TEC: variants seen among roughly 807,000 people sequenced by gnomAD.
TEC encodes tec protein tyrosine kinase.
A neutral mutation model predicts 93.0 loss-of-function variants in TEC; 72 were observed. The observed-to-expected ratio is 0.77, with a 90% CI of 0.64 to 0.94. The LOEUF (loss-of-function observed/expected upper bound fraction) is 0.94, where lower values mean the gene tolerates loss of function less well. TEC is among the 40% of genes least tolerant of loss of function. The pLI, the probability that TEC is intolerant of heterozygous loss-of-function variation, is 0.00. For synonymous variants in TEC, 249 were observed against 247.7 expected (o/e 1.01, Z -0.05); for missense variants, 630 against 757.9 (o/e 0.83, Z 1.98).
chr4:48,183,942 A>T (rs1175936391), intron 2 of TEC, among the ~76,000 whole-genome samples: 1 of 152,236 alleles, frequency 6.6e-6, no homozygotes, highest in Non-Finnish European at 1.5e-5. Context: ...TAAGGATTGT[A>T]GAGGCTGAGC....
At chr4:48,254,607 G>C (rs1380502119) in intron 1 of TEC, among the ~76,000 whole-genome samples, 1 of 152,346 alleles carries the variant, frequency 6.6e-6, no homozygotes, top group Non-Finnish European at 1.5e-5. Context: ...AAGAGGCAAG[G>C]CCTCCGCCTA....
chr4:48,162,679 G>A (rs1720721202), intron 8 of TEC, among the ~76,000 whole-genome samples: 2 of 152,166 alleles, frequency 1.3e-5, no homozygotes, highest in Non-Finnish European at 2.9e-5. Context: ...TGAGCGCTGT[G>A]GCTTTTTGAA....
intron 2 of TEC, among the ~76,000 whole-genome samples, chr4:48,210,223 C>A (rs368804567): frequency 6.6e-6 from 1 of 152,100 alleles, no homozygotes; most frequent in East Asian, 1.9e-4. Flanking sequence ...TAGCTTATGC[C>A]TGTAATCTTG....
intron 9 of TEC, among the ~76,000 whole-genome samples, chr4:48,152,833 A>G (rs1050470648): frequency 3.9e-5 from 6 of 152,208 alleles, no homozygotes; most frequent in African/African-American, 1.2e-4. Context: ...AACATCAACT[A>G]CAAAAACAAG....
At position 48,150,945 on chromosome 4, in the gene TEC, A is replaced by G. The variant is rs1462697033; in HGVS notation, c.793-3T>C. 1.3e-5 allele frequency: 21 copies of G among 1,574,942 alleles called. No homozygotes were observed. Among genetic ancestry groups the G allele is most frequent in the Non-Finnish European group, 1.8e-5 (21 of 1,162,672 alleles). ...ACCATAAAACCACCTTCTTTATCCTAAAATCCAAGTTCAGAAAAAATTTTT... is the reference window on the plus strand; with the variant it reads ...ACCATAAAACCACCTTCTTTATCCTGAAATCCAAGTTCAGAAAAAATTTTT... On this transcript the variant is annotated splice_region_variant and splice_polypyrimidine_tract_variant and intron_variant, in intron 9 of 17. Transcript: ENST00000381501.
At chr4:48,172,075 C>T (rs1470292445) in intron 3 of TEC, among the ~76,000 whole-genome samples, 1 of 152,226 alleles carries the variant, frequency 6.6e-6, no homozygotes, top group Admixed American at 6.5e-5. Context: ...TGCCATTTGG[C>T]TGGTAATCCA....
At position 48,265,291 on chromosome 4, in the gene TEC, CCA is replaced by C. The variant is rs1724603515; in HGVS notation, c.-46+4459_-46+4460del. On this transcript the variant is annotated intron_variant, in intron 1 of 17. Transcript: ENST00000381501. ...CAGTCATGAAAAACTTATTTTTGGC[CCA>C]GTCAAAAATAGCCAATATCTGAACA... 2.7e-5 allele frequency among the ~76,000 whole-genome samples: 4 copies of C among 150,122 alleles called. No individual in the cohort carries two copies. The South Asian group carries it at 8.4e-4, about 32-fold the overall frequency.
intron 1 of TEC, among the ~76,000 whole-genome samples, chr4:48,240,532 A>G (rs887207216): frequency 5.9e-5 from 9 of 152,156 alleles, no homozygotes; most frequent in African/African-American, 2.2e-4. Context: ...CTTCTCAGAC[A>G]TAAAGGAATA....
chr4:48,137,851 G>C (rs1440113059), intron 17 of TEC, among the ~76,000 whole-genome samples: 1 of 152,182 alleles, frequency 6.6e-6, no homozygotes, highest in African/African-American at 2.4e-5. Flanking sequence ...CACATGGGCT[G>C]TCTGTTAAAT....
chr4:48,191,310 T>C (rs936755938), intron 2 of TEC, among the ~76,000 whole-genome samples: 1 of 152,220 alleles, frequency 6.6e-6, no homozygotes, highest in Non-Finnish European at 1.5e-5. Flanking sequence ...TTTCAGCCTT[T>C]AAACTTTTTT....
chr4:48,269,091 G>C (rs1243441265), intron 1 of TEC, among the ~76,000 whole-genome samples: 1 of 151,898 alleles, frequency 6.6e-6, no homozygotes, highest in Non-Finnish European at 1.5e-5. Flanking sequence ...ACAACTTCCC[G>C]GGGCGAGGTG....
chr4:48,250,732 A>G lies in TEC; in HGVS notation c.-46+19020T>C, dbSNP rs948551172. Among the ~76,000 whole-genome samples, 3 of 152,176 alleles carry G rather than the reference A, an allele frequency of 2.0e-5. 1 individual carries two copies. Among genetic ancestry groups the G allele is most frequent in the South Asian group, 4.1e-4 (2 of 4,830 alleles). ...TAGTTGACAGCCAGCTGGCCCCTCA[A>G]ACATATCAGAGAACCCAGGCAATAT... On this transcript the variant is annotated intron_variant, in intron 1 of 17. Transcript: ENST00000381501.
chr4:48,229,050 C>G (rs1723571123), intron 1 of TEC, among the ~76,000 whole-genome samples: 1 of 152,182 alleles, frequency 6.6e-6, no homozygotes, highest in African/African-American at 2.4e-5. Context: ...GCTTCAGGAT[C>G]TTGGTTCACA....
rs768270670 is a variant in TEC, at chr4:48,156,737, G to A, written c.738-3C>T. On this transcript the variant is annotated splice_region_variant and splice_polypyrimidine_tract_variant and intron_variant, in intron 8 of 17. Transcript: ENST00000381501. ...TATTCATATTTCTGCAATACCATCT[G>A]AACAGAAAAAACAATACATTTCAGG... The A allele has an allele frequency of 6.2e-7, 1 of 1,603,666 alleles. No homozygotes were observed. The highest frequency in any genetic ancestry group is 1.1e-5 in the South Asian group (1 of 88,738).
intron 1 of TEC, among the ~76,000 whole-genome samples, chr4:48,251,281 A>G (rs1724190258): frequency 6.6e-6 from 1 of 152,148 alleles, no homozygotes; most frequent in Admixed American, 6.5e-5. Context: ...GTCTTGGCAC[A>G]TAATGTTCTC....
intron 1 of TEC, among the ~76,000 whole-genome samples, chr4:48,262,734 T>A (rs559805085): frequency 6.6e-6 from 1 of 152,268 alleles, no homozygotes; most frequent in South Asian, 2.1e-4. Flanking sequence ...CTCTGCAGTA[T>A]CCCTACTAGC....
At chr4:48,185,242 C>T (rs1231184130) in intron 2 of TEC, among the ~76,000 whole-genome samples, 1 of 152,148 alleles carries the variant, frequency 6.6e-6, no homozygotes, top group East Asian at 1.9e-4. Flanking sequence ...CACCAAATGA[C>T]CCTAAAAGGC....
chr4:48,160,859 G>GAGGAAGGAAGGAAGGAAGGA (rs71200935), intron 8 of TEC, among the ~76,000 whole-genome samples: 29 of 110,862 alleles, frequency 2.6e-4, no homozygotes, highest in South Asian at 7.9e-4. Context: ...GGGAGGAAGG[G>GAGGAAGGAAGGAAGGAAGGA]AGGAAGGAAT....
rs534701602 is a variant in TEC at position 48,210,609 on chromosome 4, T to C, written c.138+17868A>G. Among the ~76,000 whole-genome samples, 5 of 152,206 alleles carry C rather than the reference T, an allele frequency of 3.3e-5. No individual in the cohort carries two copies. The East Asian group carries it at 7.7e-4, about 24-fold the overall frequency. On this transcript the variant is annotated intron_variant, in intron 2 of 17. Coordinates refer to ENST00000381501, the MANE Select transcript of TEC (RefSeq NM_003215.3). ...TACCACAACTGGCACCCTATCGATA[T>C]GTGTACCACTGGCAAACATCCAGAG...
Sources: allele counts gnomAD v4.1 joint callset (sites outside exome capture counted in the v4.1 genomes callset), GRCh38; gene constraint gnomAD v4.1.1; transcripts MANE v1.5; gene names NCBI Gene and HGNC (gene_info 2026-07-23, HGNC 2026-07-21).